The following RAD51C variants were observed in gnomAD, a reference collection of about 807,000 sequenced individuals.
The protein encoded by RAD51C is DNA repair protein RAD51 homolog 3.
RAD51C carries 42 observed loss-of-function variants against 45.0 expected under a neutral mutation model. The observed-to-expected ratio is 0.93, with a 90% CI of 0.73 to 1.21. The LOEUF is 1.21. RAD51C is among the 50% of genes most tolerant of loss of function. The probability of loss-of-function intolerance (pLI) is 0.00; values close to 1 mark genes in which losing one functional copy is unlikely to be tolerated. For missense variants in RAD51C, 474 were observed against 452.2 expected (o/e 1.05, Z -0.44); for synonymous variants, 172 against 159.8 (o/e 1.08, Z -0.58).
intron 2 of RAD51C, among the ~76,000 whole-genome samples, chr17:58,696,180 C>A (rs2047998986): frequency 1.3e-5 from 2 of 152,112 alleles, no homozygotes; most frequent in African/African-American, 4.8e-5. Context: ...CGCTTGTAAT[C>A]CCAGCACTTT....
chr17:58,716,668 T>C (rs2048749344), intron 5 of RAD51C, among the ~76,000 whole-genome samples: 1 of 151,852 alleles, frequency 6.6e-6, no homozygotes, highest in Admixed American at 6.6e-5. Context: ...TTCACCATGT[T>C]AGCCAGGATG....
At chr17:58,711,878 T>C (rs947431282) in intron 5 of RAD51C, among the ~76,000 whole-genome samples, 9 of 151,948 alleles carry the variant, frequency 5.9e-5, no homozygotes, top group African/African-American at 2.2e-4. Flanking sequence ...AACATATATA[T>C]AACATGTATG....
At chr17:58,731,783 A>G (rs1230022248) in intron 7 of RAD51C, among the ~76,000 whole-genome samples, 1 of 152,070 alleles carries the variant, frequency 6.6e-6, no homozygotes, top group Non-Finnish European at 1.5e-5. Context: ...TGGGGGTCTC[A>G]CTATGTTGCC....
chr17:58,702,015 G>A lies in RAD51C; in HGVS notation c.572-1181G>A, dbSNP rs925762429. On this transcript the variant is annotated intron_variant, in intron 3 of 8. Transcript: ENST00000337432. ...TTTATTTTTTTGTTTTTTTTTTTGA[G>A]ACAGAGTTTTCATTCTGTCACCCAG... 2.3e-3 allele frequency among the ~76,000 whole-genome samples: 332 copies of A among 142,738 alleles called. 4 individuals carry two copies. Among genetic ancestry groups the A allele is most frequent in the East Asian group, 1.8e-3 (9 of 5,054 alleles). The allele number at this position is 142,738 out of a possible 152,430, so 93.6% of individuals were successfully genotyped here.
intron 5 of RAD51C, among the ~76,000 whole-genome samples, chr17:58,717,553 A>G (rs549981530): frequency 1.6e-4 from 24 of 152,242 alleles, no homozygotes; most frequent in Non-Finnish European, 2.8e-4. Flanking sequence ...CCTGACCAAC[A>G]TGGAGAAACC....
chr17:58,720,719 T>C, intron 5 of RAD51C, 27 bp from the exon 6 acceptor site: 2 of 1,561,756 alleles, frequency 1.3e-6, no homozygotes, highest in Non-Finnish European at 1.8e-6. Context: ...GAGACTCACC[T>C]AATTTTCTTA....
At chr17:58,723,980 T>A in intron 6 of RAD51C, 60 bp from the exon 7 acceptor site, 5 of 1,417,906 alleles carry the variant, frequency 3.5e-6, no homozygotes, top group Non-Finnish European at 5.0e-6. Context: ...AGAGGCGTTC[T>A]GAGAAATGTA....
At chr17:58,731,101 A>G (rs2049401215) in intron 7 of RAD51C, among the ~76,000 whole-genome samples, 1 of 152,146 alleles carries the variant, frequency 6.6e-6, no homozygotes, top group African/African-American at 2.4e-5. Flanking sequence ...ATGTTGTAGC[A>G]TGTGTCAGAA....
At chr17:58,719,906 T>A (rs754182126) in intron 5 of RAD51C, among the ~76,000 whole-genome samples, 7 of 151,060 alleles carry the variant, frequency 4.6e-5, no homozygotes, top group Non-Finnish European at 1.0e-4. Context: ...TTTTTTATAT[T>A]TTTAGTAGAG....
chr17:58,711,483 T>C (rs1422878773), intron 5 of RAD51C, among the ~76,000 whole-genome samples: 1 of 152,186 alleles, frequency 6.6e-6, no homozygotes, highest in African/African-American at 2.4e-5. Flanking sequence ...ACTTCTTTTT[T>C]ATTTTTTTGG....
At position 58,712,344 on chromosome 17, in the gene RAD51C, C is replaced by CA. The variant is rs5821244; in HGVS notation, c.837+2375dup. Among the ~76,000 whole-genome samples, 357 of 82,856 alleles carry CA rather than the reference C, an allele frequency of 4.3e-3. 1 individual carries two copies. Among genetic ancestry groups the CA allele is most frequent in the African/African-American group, 6.0e-3 (126 of 20,928 alleles). The allele number at this position is 82,856 out of a possible 152,430, so 54.4% of individuals were successfully genotyped here. A position where few individuals can be genotyped will look rare whatever the true frequency, so the allele number is the denominator to read the frequency against. ...TGGGCGAGAGAGCAACACTCCATCT[C>CA]AAAAAAAAAAAAAAAAAAAAAGAAA... On this transcript the variant is annotated intron_variant, in intron 5 of 8. Coordinates refer to ENST00000337432, the MANE Select transcript of RAD51C (RefSeq NM_058216.3).
chr17:58,732,636 T>C, intron 8 of RAD51C, 92 bp downstream of exon 8: 1 of 1,237,834 alleles, frequency 8.1e-7, no homozygotes, highest in Non-Finnish European at 1.2e-6. Flanking sequence ...TCAACTTCTG[T>C]AGGCAGCAAG....
intron 3 of RAD51C, among the ~76,000 whole-genome samples, chr17:58,698,190 T>G (rs958430774): frequency 1.1e-4 from 16 of 149,126 alleles, no homozygotes; most frequent in Non-Finnish European, 1.8e-4. Flanking sequence ...TTTTTTTTTT[T>G]TTTTTTTTTT....
At chr17:58,707,664 C>A (rs2048420696) in intron 4 of RAD51C, among the ~76,000 whole-genome samples, 1 of 152,184 alleles carries the variant, frequency 6.6e-6, no homozygotes, top group South Asian at 2.1e-4. Context: ...TACCTTGCTT[C>A]TCTCACTACC....
chr17:58,722,768 A>G (rs1318734432), intron 6 of RAD51C, among the ~76,000 whole-genome samples: 2 of 152,174 alleles, frequency 1.3e-5, no homozygotes, highest in Admixed American at 6.5e-5. Context: ...TCTCTTTGCT[A>G]GTTCTGGAAT....
intron 5 of RAD51C, among the ~76,000 whole-genome samples, chr17:58,717,595 G>C (rs535610225): frequency 6.6e-6 from 1 of 152,218 alleles, no homozygotes; most frequent in Admixed American, 6.5e-5. Flanking sequence ...GCTTAACCAG[G>C]CATGGTAGCT....
intron 3 of RAD51C, among the ~76,000 whole-genome samples, chr17:58,698,080 C>T (rs1342271309): frequency 6.6e-6 from 1 of 151,090 alleles, no homozygotes; most frequent in Non-Finnish European, 1.5e-5. Context: ...GGCGCGATCT[C>T]GGCTCACTGC....
chr17:58,733,998 GAGCCACTGCGCCTGGCCCTAGA>G, intron 8 of RAD51C, 98 bp from the exon 9 acceptor site: 2 of 1,455,908 alleles, frequency 1.4e-6, no homozygotes, highest in Middle Eastern at 4.9e-4. Flanking sequence ...TTACAGGTGT[GAGCCACTGCGCCTGGCCCTAGA>G]ATAAAGTAGC....
rs747899252 is a variant in RAD51C, at chr17:58,734,383, A to G, written c.*161A>G. On this transcript the variant is annotated 3_prime_UTR_variant, in exon 9 of 9. Transcript: ENST00000337432. ...AAATACCTAAATATGATTCTGTGAA[A>G]GTTTTTCTAAAGCAGTATTCTGCAA... 8.6e-6 allele frequency: 11 copies of G among 1,283,330 alleles called. No individual in the cohort carries two copies. The highest frequency in any genetic ancestry group is 2.1e-4 in the Middle Eastern group (1 of 4,858). 79.5% of individuals were successfully genotyped at this position (1,283,330 alleles called of 1,614,324 possible).
Sources: allele counts gnomAD v4.1 joint callset (sites outside exome capture counted in the v4.1 genomes callset), GRCh38; gene constraint gnomAD v4.1.1; transcripts MANE v1.5; gene names NCBI Gene and HGNC (gene_info 2026-07-23, HGNC 2026-07-21).